Variants in SPATA13 observed in about 807,000 individuals in gnomAD.
The protein encoded by SPATA13 is spermatogenesis-associated protein 13.
SPATA13 carries 50 observed loss-of-function variants against 104.0 expected under a neutral mutation model. The ratio of observed to expected loss-of-function variants is 0.48; its 90% CI spans 0.38 to 0.61. SPATA13 has a LOEUF of 0.61. SPATA13 is among the 20% of genes least tolerant of loss of function. The pLI is 0.00. For synonymous variants in SPATA13, 606 were observed against 667.5 expected (o/e 0.91, Z 1.42); for missense variants, 1,524 against 1,690.6 (o/e 0.90, Z 1.73).
At chr13:24,108,343 T>G (rs1399934693) in intron 3 of SPATA13, among the ~76,000 whole-genome samples, 1 of 152,244 alleles carries the variant, frequency 6.6e-6, no homozygotes, top group Non-Finnish European at 1.5e-5. Context: ...GCACCGAGGC[T>G]TAAACCTCCG....
rs79409935 is a variant in SPATA13, at chr13:24,223,919, T to C, written c.990T>C (p.Ala330=). ...AACTTGTGAGCAATGTGACTGAGGC[T>C]GCCTGGAGGAGGGAGAGTCCTAGGA... ...VFKLVSNVTE[A]AWRRESPRSG... Residue 330 remains alanine, a synonymous_variant, in exon 2 of 13, where the codon GCT becomes GCC. Transcript: ENST00000382108. 1.9e-3 allele frequency: 2,952 copies of C among 1,551,536 alleles called. 48 individuals carry two copies. The African/African-American group carries it at 0.037, about 19-fold the overall frequency.
chr13:24,177,297 G>A (rs57166187), intron 1 of SPATA13, among the ~76,000 whole-genome samples: 5,830 of 152,260 alleles, frequency 0.038, 251 homozygotes, highest in African/African-American at 0.1. Flanking sequence ...ATGTCAGTGT[G>A]TCTGGCTGTG....
At chr13:24,086,828 G>T (rs912136) in intron 3 of SPATA13, among the ~76,000 whole-genome samples, 4 of 151,292 alleles carry the variant, frequency 2.6e-5, no homozygotes, top group Non-Finnish European at 5.9e-5. Flanking sequence ...AGTGGCAGCA[G>T]CTGAAGCCAG....
intron 10 of SPATA13, among the ~76,000 whole-genome samples, chr13:24,296,388 CAA>C (rs1876783391): frequency 6.6e-6 from 1 of 152,116 alleles, no homozygotes. Flanking sequence ...ATTGTCATAC[CAA>C]ATACCATAAA....
chr13:24,082,616 C>T (rs1319057799), intron 3 of SPATA13, among the ~76,000 whole-genome samples: 4 of 151,204 alleles, frequency 2.6e-5, no homozygotes, highest in Admixed American at 1.3e-4. Flanking sequence ...GTCAGGAGAT[C>T]GAGACCATCC....
rs1322293204 is a variant in SPATA13, at chr13:24,088,831, G to A, written c.-112+71130G>A. On this transcript the variant is annotated intron_variant, in intron 3 of 14. Coordinates refer to the SPATA13 transcript ENST00000424834. This position sits in a 1 kb window ranked among gnomAD's most constrained non-coding sequence, Gnocchi z 4.3. Reference sequence around the variant, plus strand: ...AAATGTGTGACCCCAGCTTCCGTCAGTGCTGGCTGAGGAGTGTCCCCAAGG... The same window carrying A: ...AAATGTGTGACCCCAGCTTCCGTCAATGCTGGCTGAGGAGTGTCCCCAAGG... 6.6e-6 allele frequency among the ~76,000 whole-genome samples: 1 copy of A among 152,194 alleles called. No homozygotes were observed. Among genetic ancestry groups the A allele is most frequent in the Non-Finnish European group, 1.5e-5 (1 of 68,034 alleles).
intron 4 of SPATA13, among the ~76,000 whole-genome samples, chr13:24,252,303 C>G (rs1873538843): frequency 6.6e-6 from 1 of 152,184 alleles, no homozygotes; most frequent in Non-Finnish European, 1.5e-5. Flanking sequence ...GTTCACATGG[C>G]ATTCTCCCCT....
At chr13:24,101,690 G>A (rs977948323) in intron 3 of SPATA13, among the ~76,000 whole-genome samples, 7 of 152,104 alleles carry the variant, frequency 4.6e-5, no homozygotes, top group Admixed American at 1.3e-4. Context: ...CTACTAATCC[G>A]TAGAAGTGGA....
intron 1 of SPATA13, among the ~76,000 whole-genome samples, chr13:24,163,613 A>G (rs1382783317): frequency 6.6e-6 from 1 of 152,214 alleles, no homozygotes; most frequent in East Asian, 1.9e-4. Context: ...TAAGAGTTGG[A>G]GGCAAGTAGT....
rs537356879 is a variant in SPATA13 at position 24,281,192 on chromosome 13, G to A, written c.2165-2943G>A. On this transcript the variant is annotated intron_variant, in intron 4 of 12. Transcript: ENST00000382108. ...GAAGGCAAGACCAAGGCTGTGGAGCGCTTTCTTCTGCCTCTTGGCTTTGTG... is the reference window on the plus strand; with the variant it reads ...GAAGGCAAGACCAAGGCTGTGGAGCACTTTCTTCTGCCTCTTGGCTTTGTG... 5.9e-5 allele frequency among the ~76,000 whole-genome samples: 9 copies of A among 152,304 alleles called. No homozygotes were observed. The East Asian group carries it at 7.7e-4, about 13-fold the overall frequency.
chr13:23,990,914 G>T (rs904495280), intron 2 of SPATA13, among the ~76,000 whole-genome samples: 1 of 152,232 alleles, frequency 6.6e-6, no homozygotes, highest in African/African-American at 2.4e-5. Context: ...GACCCTGAGT[G>T]TCTTCCCCAC....
At chr13:24,299,545 C>T (rs145658480) in intron 11 of SPATA13, among the ~76,000 whole-genome samples, 6 of 152,288 alleles carry the variant, frequency 3.9e-5, no homozygotes, top group East Asian at 1.9e-4. Context: ...CTGAGCCTGA[C>T]GTCAGGACAG....
At chr13:24,023,464 A>G (rs796813537) in intron 3 of SPATA13, among the ~76,000 whole-genome samples, 1 of 152,218 alleles carries the variant, frequency 6.6e-6, no homozygotes, top group South Asian at 2.1e-4. Context: ...TAGTGTGGCA[A>G]GCAGAATAAT....
Position 23,990,250 on chromosome 13 carries a change from A to G in SPATA13, c.-147+6317A>G, listed in dbSNP as rs1343453957. Among the ~76,000 whole-genome samples, 3 of 152,156 alleles carry G rather than the reference A, an allele frequency of 2.0e-5. No individual in the cohort carries two copies. The East Asian group carries it at 5.8e-4, about 29-fold the overall frequency. ...TATGATCTGTCACCAAGAGGAGTTT[A>G]TGAAATGCAACTCTCTGGTTTTGTA... On this transcript the variant is annotated intron_variant, in intron 2 of 14. Transcript: ENST00000424834.
At position 24,223,217 on chromosome 13, in the gene SPATA13, G is replaced by A. The variant is rs1182822732; in HGVS notation, c.288G>A (p.Val96=). The stretch of plus-strand genomic sequence containing the variant: ...AGCGGCCCCACTCCATGGTCCTGGT[G>A]GGGAACTCCTCCACATGGAACACCC... ...HPERPHSMVL[V]GNSSTWNTLA... Residue 96 remains valine (V), a synonymous_variant, in exon 2 of 13, where the codon GTG becomes GTA. Coordinates refer to ENST00000382108, the MANE Select transcript of SPATA13 (RefSeq NM_001166271.3). 1.9e-6 allele frequency: 3 copies of A among 1,551,574 alleles called. No individual in the cohort carries two copies. The South Asian group carries it at 3.6e-5, about 18-fold the overall frequency.
intron 1 of SPATA13, among the ~76,000 whole-genome samples, chr13:24,176,945 G>A (rs1252664151): frequency 1.3e-5 from 2 of 152,042 alleles, no homozygotes; most frequent in African/African-American, 4.8e-5. Context: ...TGTATTTTTA[G>A]TGGAGACAGG....
Position 24,043,645 on chromosome 13 carries a change from A to G in SPATA13, c.-112+25944A>G, listed in dbSNP as rs557451978. Among the ~76,000 whole-genome samples, 5 of 150,900 alleles carry G rather than the reference A, an allele frequency of 3.3e-5. No individual in the cohort carries two copies. In the South Asian group the frequency reaches 1.1e-3, roughly 32 times the overall value. ...AAGGCCTCAGTGAATCTGTCCCCAA[A>G]TTGTATGTCTCTCGTAACTTTGAGG... On this transcript the variant is annotated intron_variant, in intron 3 of 14. Transcript: ENST00000424834.
intron 2 of SPATA13, among the ~76,000 whole-genome samples, chr13:24,237,574 AT>A (rs1388266958): frequency 6.6e-6 from 1 of 152,144 alleles, no homozygotes; most frequent in African/African-American, 2.4e-5. Flanking sequence ...TCAGAGATAC[AT>A]TTGGGAGAGA....
intron 3 of SPATA13, among the ~76,000 whole-genome samples, chr13:24,059,321 G>A (rs1325230124): frequency 6.6e-6 from 1 of 151,342 alleles, no homozygotes; most frequent in East Asian, 2.0e-4. Flanking sequence ...CTTGGGACTT[G>A]GTGAATGTCA....
Sources: gnomAD v4.1 joint callset for allele counts (sites outside exome capture counted in the v4.1 genomes callset) on GRCh38, gnomAD v4.1.1 for gene constraint, Gnocchi (gnomAD v3.1) non-coding constraint, MANE v1.5 for transcripts, NCBI Gene and HGNC (gene_info 2026-07-23, HGNC 2026-07-21) for gene names.